The following MSL2 variants were observed in gnomAD, a reference collection of about 807,000 sequenced individuals.
The protein encoded by MSL2 is MSL complex subunit 2, also known as E3 ubiquitin-protein ligase MSL2.
Under a neutral mutation model 35.8 loss-of-function variants are expected in MSL2, and 2 were observed. The observed-to-expected ratio is 0.06, with a 90% CI of 0.02 to 0.18. The LOEUF is 0.18. MSL2 is among the 10% of genes least tolerant of loss of function. MSL2 has a pLI of 1.00. For synonymous variants in MSL2, 296 were observed against 255.7 expected, an observed-to-expected ratio of 1.16 and a Z score of -1.50; for missense variants, 523 against 706.7, an observed-to-expected ratio of 0.74 and a Z score of 2.95.
chr3:136,156,979 T>A (rs1382777867), intron 1 of MSL2, among the ~76,000 whole-genome samples: 1 of 152,228 alleles, frequency 6.6e-6, no homozygotes, highest in Non-Finnish European at 1.5e-5. Flanking sequence ...TAAAACTACA[T>A]ATTGTAAAGC....
At chr3:136,154,753 C>T (rs1246410465) in intron 1 of MSL2, among the ~76,000 whole-genome samples, 2 of 152,108 alleles carry the variant, frequency 1.3e-5, no homozygotes, top group Non-Finnish European at 2.9e-5. Flanking sequence ...CTCTGAAAGT[C>T]TGTATCAGAA....
chr3:136,182,260 C>T (rs145319520), intron 1 of MSL2, among the ~76,000 whole-genome samples: 47 of 152,140 alleles, frequency 3.1e-4, no homozygotes, highest in South Asian at 1.5e-3. Context: ...TTTAATTAGA[C>T]GAAATTTAAA....
intron 1 of MSL2, among the ~76,000 whole-genome samples, chr3:136,154,789 G>A (rs1291176600): frequency 6.6e-6 from 1 of 152,152 alleles, no homozygotes; most frequent in Non-Finnish European, 1.5e-5. Context: ...TAGGCACAGT[G>A]GCACGTGCCT....
intron 1 of MSL2, among the ~76,000 whole-genome samples, chr3:136,190,986 T>G (rs560553591): frequency 7.2e-5 from 11 of 152,290 alleles, no homozygotes; most frequent in Admixed American, 2.0e-4. Context: ...ATCAGCTAAT[T>G]AACATATCAA....
In MSL2 at chr3:136,151,551, T is replaced by C. The variant is rs1939368354; in HGVS notation, c.1330A>G (p.Met444Val). ...ACAGTCTTGGTAGGACTTCCTGGCATAAAATGATGACTAGGAATCTTTTCC... is the reference window on the plus strand; with the variant it reads ...ACAGTCTTGGTAGGACTTCCTGGCACAAAATGATGACTAGGAATCTTTTCC... ...VKEKIPSHHFMPGSPTKTVYK... is the reference protein window; with the variant it reads ...VKEKIPSHHFVPGSPTKTVYK... The change falls in exon 2 of 2, where the codon ATG (methionine) becomes GTG (valine). Residue 444 changes from methionine to valine, a missense_variant. By Grantham distance (21) the Met-to-Val change is conservative (BLOSUM62 1). This residue lies in a region of MSL2 where 361 missense variants were observed against 414.6 expected (regional missense o/e 0.87). Coordinates refer to ENST00000309993, the MANE Select transcript of MSL2 (RefSeq NM_018133.4). This position sits in a 1 kb window ranked among gnomAD's most constrained non-coding sequence, Gnocchi z 5.2. 3 of 1,614,226 alleles carry C rather than the reference T, an allele frequency of 1.9e-6. No homozygotes were observed. The highest frequency in any genetic ancestry group is 3.3e-5 in the Admixed American group (2 of 60,014).
At chr3:136,177,849 G>A (rs1940226308) in intron 1 of MSL2, among the ~76,000 whole-genome samples, 1 of 152,098 alleles carries the variant, frequency 6.6e-6, no homozygotes, top group Non-Finnish European at 1.5e-5. Context: ...AAGTGGAGGT[G>A]AAGAAAAAGA....
chr3:136,171,075 T>G (rs1386946196), intron 1 of MSL2, among the ~76,000 whole-genome samples: 1 of 152,192 alleles, frequency 6.6e-6, no homozygotes, highest in Non-Finnish European at 1.5e-5. Context: ...TTTTCTTTCA[T>G]TATATTATTA....
intron 1 of MSL2, among the ~76,000 whole-genome samples, chr3:136,186,075 C>G (rs1047748279): frequency 6.6e-6 from 1 of 152,168 alleles, no homozygotes; most frequent in African/African-American, 2.4e-5. Context: ...TTTAACTAGG[C>G]TATCCTTACA....
chr3:136,189,132 A>C (rs79053923), intron 1 of MSL2, among the ~76,000 whole-genome samples: 1 of 130,992 alleles, frequency 7.6e-6, no homozygotes, highest in African/African-American at 2.8e-5. Context: ...AAAAAAAAAA[A>C]AAAACACACA....
At chr3:136,184,947 G>A (rs1940475756) in intron 1 of MSL2, among the ~76,000 whole-genome samples, 1 of 152,120 alleles carries the variant, frequency 6.6e-6, no homozygotes, top group African/African-American at 2.4e-5. Flanking sequence ...GGATTTTTAT[G>A]TGAGGTCTAG....
intron 1 of MSL2, among the ~76,000 whole-genome samples, chr3:136,156,394 G>A (rs1939523282): frequency 2.0e-5 from 3 of 152,184 alleles, no homozygotes; most frequent in African/African-American, 2.4e-5. Flanking sequence ...CTTGACTGGT[G>A]ATTAGGTGGG....
intron 1 of MSL2, among the ~76,000 whole-genome samples, chr3:136,172,807 T>A (rs1227897078): frequency 6.6e-6 from 1 of 152,138 alleles, no homozygotes; most frequent in Non-Finnish European, 1.5e-5. Flanking sequence ...TTGTTCAGAA[T>A]CTTATGAGGA....
intron 1 of MSL2, among the ~76,000 whole-genome samples, chr3:136,192,032 G>A (rs940953953): frequency 6.6e-6 from 1 of 152,008 alleles, no homozygotes; most frequent in African/African-American, 2.4e-5. Flanking sequence ...ATACAAAACT[G>A]TAAAAGAAAA....
intron 1 of MSL2, among the ~76,000 whole-genome samples, chr3:136,168,849 G>A (rs1366709357): frequency 1.3e-5 from 2 of 151,826 alleles, no homozygotes; most frequent in African/African-American, 4.8e-5. Flanking sequence ...TGTTCAATGA[G>A]ATAACACCCT....
intron 1 of MSL2, among the ~76,000 whole-genome samples, chr3:136,162,357 C>CCCAGCAGTTTGAG (rs1437637911): frequency 5.3e-5 from 8 of 151,366 alleles, no homozygotes; most frequent in Non-Finnish European, 1.0e-4. Flanking sequence ...CCAGCGTAGG[C>CCCAGCAGTTTGAG]AGATCACTTA....
chr3:136,181,508 C>T (rs1940361880), intron 1 of MSL2, among the ~76,000 whole-genome samples: 1 of 152,170 alleles, frequency 6.6e-6, no homozygotes, highest in African/African-American at 2.4e-5. Flanking sequence ...AGTCCTTTCA[C>T]TACCACCGTG....
At chr3:136,158,142 T>C (rs1939585554) in intron 1 of MSL2, among the ~76,000 whole-genome samples, 1 of 151,688 alleles carries the variant, frequency 6.6e-6, no homozygotes, top group South Asian at 2.1e-4. Context: ...AGAAACCCCA[T>C]CTCTACTAAA....
At position 136,195,681 on chromosome 3, in the gene MSL2, G is replaced by A. The variant is rs963104971; in HGVS notation, c.-568C>T. 2.3e-4 allele frequency: 231 copies of A among 985,328 alleles called. No individual in the cohort carries two copies. Among genetic ancestry groups the A allele is most frequent in the Non-Finnish European group, 2.8e-4 (230 of 829,968 alleles). The allele number at this position is 985,328 out of a possible 1,614,324, so 61.0% of individuals were successfully genotyped here. A position where few individuals can be genotyped will look rare whatever the true frequency, so the allele number is the denominator to read the frequency against. On this transcript the variant is annotated 5_prime_UTR_variant, in exon 1 of 2. Coordinates refer to ENST00000309993, the MANE Select transcript of MSL2 (RefSeq NM_018133.4). Reference sequence around the variant, plus strand: ...TGCAAGACGCCGCGGCGGCGACGAAGGTTGATGTTGCGGCTGGCGGACGCC... The same window carrying A: ...TGCAAGACGCCGCGGCGGCGACGAAAGTTGATGTTGCGGCTGGCGGACGCC...
intron 1 of MSL2, among the ~76,000 whole-genome samples, chr3:136,166,165 G>T (rs764016870): frequency 5.9e-5 from 9 of 151,728 alleles, no homozygotes; most frequent in Non-Finnish European, 1.0e-4. Flanking sequence ...GAGGTGGGCG[G>T]GTCACTTGAG....
Sources: allele counts gnomAD v4.1 joint callset (sites outside exome capture counted in the v4.1 genomes callset), GRCh38; gene constraint gnomAD v4.1.1; regional missense constraint gnomAD v4.1.1; non-coding constraint Gnocchi (gnomAD v3.1); transcripts MANE v1.5; gene names NCBI Gene and HGNC (gene_info 2026-07-23, HGNC 2026-07-21).